Variants in SLC24A2 observed in about 807,000 individuals in gnomAD.
SLC24A2 encodes sodium/potassium/calcium exchanger 2.
SLC24A2 carries 36 observed loss-of-function variants against 62.0 expected under a neutral mutation model. The ratio of observed to expected loss-of-function variants is 0.58; its 90% CI spans 0.44 to 0.77. The LOEUF is 0.77. Among genes scored for constraint, SLC24A2 ranks in the 30% least tolerant of loss-of-function variants. SLC24A2 has a pLI of 0.00. For missense variants in SLC24A2, 846 were observed against 817.9 expected (o/e 1.03, Z -0.42); for synonymous variants, 358 against 294.0 (o/e 1.22, Z -2.23).
the SLC24A2 span, among the ~76,000 whole-genome samples, chr9:20,296,190 A>T: frequency 1.3e-5 from 2 of 152,248 alleles, no homozygotes; most frequent in African/African-American, 4.8e-5. Context: ...ATACTTACGA[A>T]ATGTATAGAC....
chr9:19,516,488 T>A (rs751792540), intron 10 of SLC24A2, 86 bp from the exon 11 acceptor site: 6 of 1,475,812 alleles, frequency 4.1e-6, no homozygotes, highest in Non-Finnish European at 5.6e-6. Context: ...TAACCTATTA[T>A]TACCTTCTCA....
At chr9:19,846,525 G>C in the SLC24A2 span, among the ~76,000 whole-genome samples, 7 of 152,074 alleles carry the variant, frequency 4.6e-5, no homozygotes, top group Non-Finnish European at 1.0e-4. Flanking sequence ...AGATGAATGG[G>C]TCTTATTTTT....
At chr9:19,758,826 G>A (rs1822224550) in intron 2 of SLC24A2, among the ~76,000 whole-genome samples, 1 of 152,136 alleles carries the variant, frequency 6.6e-6, no homozygotes, top group African/African-American at 2.4e-5. Context: ...TATCACTGCT[G>A]TCAGTAATTC....
At chr9:20,292,968 G>A in the SLC24A2 span, among the ~76,000 whole-genome samples, 2 of 152,198 alleles carry the variant, frequency 1.3e-5, no homozygotes, top group Non-Finnish European at 2.9e-5. Flanking sequence ...AACCTGTAAG[G>A]GAAACCTTCC....
At chr9:19,944,418 T>C in the SLC24A2 span, among the ~76,000 whole-genome samples, 6 of 136,788 alleles carry the variant, frequency 4.4e-5, no homozygotes, top group African/African-American at 1.7e-4. Context: ...ATATACCCCC[T>C]GAATCTAGAA....
chr9:19,623,527 A>G (rs986514932), intron 2 of SLC24A2, among the ~76,000 whole-genome samples: 2 of 152,206 alleles, frequency 1.3e-5, no homozygotes, highest in East Asian at 1.9e-4. Flanking sequence ...AAAAAAATAG[A>G]AGGGATTCTT....
chr9:19,944,167 C>T, the SLC24A2 span, among the ~76,000 whole-genome samples: 10 of 152,236 alleles, frequency 6.6e-5, no homozygotes, highest in East Asian at 1.7e-3. Flanking sequence ...CAATGCTCAG[C>T]ACCTAGGTCC....
chr9:19,606,211 A>C (rs556002774), intron 4 of SLC24A2, among the ~76,000 whole-genome samples: 2 of 152,366 alleles, frequency 1.3e-5, no homozygotes, highest in Non-Finnish European at 2.9e-5. Flanking sequence ...GCATGAAAAA[A>C]AAATCCATAA....
the SLC24A2 span, among the ~76,000 whole-genome samples, chr9:20,251,051 A>C: frequency 6.6e-6 from 1 of 152,234 alleles, no homozygotes; most frequent in Non-Finnish European, 1.5e-5. Flanking sequence ...GGTCAGATTT[A>C]GTCTCTGCTG....
chr9:20,062,301 T>C, the SLC24A2 span, among the ~76,000 whole-genome samples: 3 of 151,452 alleles, frequency 2.0e-5, no homozygotes, highest in East Asian at 1.9e-4. Context: ...GAGATATAGA[T>C]AAATGGAACA....
the SLC24A2 span, among the ~76,000 whole-genome samples, chr9:19,862,435 T>A: frequency 6.6e-6 from 1 of 152,036 alleles, no homozygotes; most frequent in Non-Finnish European, 1.5e-5. Flanking sequence ...CCTACAAGAA[T>A]GCTAAAACAG....
the SLC24A2 span, among the ~76,000 whole-genome samples, chr9:20,180,226 T>A: frequency 6.6e-6 from 1 of 152,172 alleles, no homozygotes; most frequent in Non-Finnish European, 1.5e-5. Flanking sequence ...TGTTTGTAAA[T>A]TGAGGGACAA....
chr9:20,140,213 C>G, the SLC24A2 span, among the ~76,000 whole-genome samples: 1 of 152,206 alleles, frequency 6.6e-6, no homozygotes, highest in South Asian at 2.1e-4. Context: ...ACATTTCCAG[C>G]TACTGAAGCT....
intron 2 of SLC24A2, among the ~76,000 whole-genome samples, chr9:19,722,880 C>T (rs1018338304): frequency 1.6e-4 from 25 of 151,976 alleles, no homozygotes; most frequent in Non-Finnish European, 1.5e-4. Context: ...GGTGCTAGAC[C>T]CAGGTGAAGC....
chr9:19,695,121 A>G (rs1368493408), intron 2 of SLC24A2, among the ~76,000 whole-genome samples: 3 of 152,132 alleles, frequency 2.0e-5, no homozygotes, highest in African/African-American at 4.8e-5. Context: ...TTTGATTTCC[A>G]TAACTGGAGG....
the SLC24A2 span, among the ~76,000 whole-genome samples, chr9:20,063,257 G>T: frequency 6.6e-6 from 1 of 151,368 alleles, no homozygotes; most frequent in African/African-American, 2.4e-5. Context: ...GTCCAACAAT[G>T]ATAGACTGGA....
At chr9:19,660,712 G>C (rs774674813) in intron 2 of SLC24A2, among the ~76,000 whole-genome samples, 1 of 152,184 alleles carries the variant, frequency 6.6e-6, no homozygotes, top group Non-Finnish European at 1.5e-5. Context: ...TCCTGATTCG[G>C]AGACTCCATT....
chr9:20,154,841 C>T, the SLC24A2 span, among the ~76,000 whole-genome samples: 3 of 151,696 alleles, frequency 2.0e-5, no homozygotes, highest in Admixed American at 6.6e-5. Context: ...CTGTGTGTCA[C>T]GGCCCTCTGC....
At chr9:20,057,282 A>G in the SLC24A2 span, among the ~76,000 whole-genome samples, 5 of 152,176 alleles carry the variant, frequency 3.3e-5, no homozygotes, top group Admixed American at 2.6e-4. Context: ...ATTCTTTCTA[A>G]ATATTAGTAA....
Sources: allele counts gnomAD v4.1 joint callset (sites outside exome capture counted in the v4.1 genomes callset), GRCh38; gene constraint gnomAD v4.1.1; transcripts MANE v1.5; gene names NCBI Gene and HGNC (gene_info 2026-07-23, HGNC 2026-07-21).